The following ELK3 variants were observed in gnomAD, a reference collection of about 807,000 sequenced individuals.
ELK3 encodes ETS transcription factor ELK3, also known as ETS domain-containing protein Elk-3.
A neutral mutation model predicts 28.9 loss-of-function variants in ELK3; 10 were observed. The ratio of observed to expected loss-of-function variants is 0.35; its 90% confidence interval spans 0.21 to 0.59. ELK3 has a LOEUF of 0.59. ELK3 is among the 20% of genes least tolerant of loss of function. The pLI is 0.82. For synonymous variants in ELK3, 272 were observed against 243.5 expected, an observed-to-expected ratio of 1.12 and a Z score of -1.09; for missense variants, 463 against 517.3, an observed-to-expected ratio of 0.90 and a Z score of 1.02.
intron 3 of ELK3, among the ~76,000 whole-genome samples, chr12:96,250,709 C>G (rs1053708342): frequency 1.3e-5 from 2 of 152,168 alleles, no homozygotes; most frequent in African/African-American, 4.8e-5. Flanking sequence ...CAGAAACTCT[C>G]CTTTTCTCTG....
chr12:96,258,505 A>G (rs1274642450), intron 3 of ELK3, among the ~76,000 whole-genome samples: 1 of 152,232 alleles, frequency 6.6e-6, no homozygotes, highest in African/African-American at 2.4e-5. Context: ...CTAGGAAAAA[A>G]TAACACTTTA....
intron 2 of ELK3, among the ~76,000 whole-genome samples, chr12:96,234,524 C>A (rs1396818359): frequency 6.6e-6 from 1 of 152,208 alleles, no homozygotes; most frequent in Non-Finnish European, 1.5e-5. Flanking sequence ...AGCTGCTCCT[C>A]TGCACGGCCT....
chr12:96,226,298 T>G (rs1027348139), intron 2 of ELK3, among the ~76,000 whole-genome samples: 2 of 152,216 alleles, frequency 1.3e-5, no homozygotes, highest in African/African-American at 4.8e-5. Context: ...GCTGGCCACA[T>G]GACCTTTGAG....
chr12:96,240,171 A>G (rs1271758246), intron 2 of ELK3, among the ~76,000 whole-genome samples: 2 of 152,190 alleles, frequency 1.3e-5, no homozygotes, highest in African/African-American at 4.8e-5. Flanking sequence ...AGATATGTAA[A>G]CCAGATGTAA....
chr12:96,196,423 G>T (rs1951468404), intron 1 of ELK3, among the ~76,000 whole-genome samples: 3 of 980 alleles, frequency 3.1e-3, no homozygotes, highest in African/African-American at 5.4e-3. Context: ...TTTGGGGGTG[G>T]GGGGGGTGTG....
chr12:96,214,965 A>G (rs1046925321), intron 1 of ELK3, among the ~76,000 whole-genome samples: 1 of 152,220 alleles, frequency 6.6e-6, no homozygotes, highest in Non-Finnish European at 1.5e-5. Flanking sequence ...CAGAATTTTC[A>G]GTAAGAAGTG....
intron 2 of ELK3, among the ~76,000 whole-genome samples, chr12:96,239,233 CAT>C (rs1951803782): frequency 1.3e-5 from 2 of 152,214 alleles, no homozygotes; most frequent in East Asian, 3.9e-4. Flanking sequence ...TTTATTTACA[CAT>C]ATATGCATAT....
intron 4 of ELK3, among the ~76,000 whole-genome samples, chr12:96,260,314 A>G (rs1951983576): frequency 6.6e-6 from 1 of 151,154 alleles, no homozygotes; most frequent in Non-Finnish European, 1.5e-5. Flanking sequence ...ATTATTATTT[A>G]TAAAAGTCCA....
chr12:96,205,418 G>T (rs1358444225), intron 1 of ELK3, among the ~76,000 whole-genome samples: 1 of 152,196 alleles, frequency 6.6e-6, no homozygotes, highest in Non-Finnish European at 1.5e-5. Flanking sequence ...CATTCCTGTA[G>T]ATTTTTTCAA....
chr12:96,208,653 A>G (rs913633129), intron 1 of ELK3, among the ~76,000 whole-genome samples: 4 of 152,198 alleles, frequency 2.6e-5, no homozygotes, highest in Non-Finnish European at 4.4e-5. Flanking sequence ...ATGAAGTGCA[A>G]CCAGATTTAA....
chr12:96,233,112 C>G (rs140114053), intron 2 of ELK3, among the ~76,000 whole-genome samples: 26 of 152,332 alleles, frequency 1.7e-4, no homozygotes, highest in Non-Finnish European at 3.2e-4. Context: ...TACCATGAAT[C>G]TATTTCTCTC....
At chr12:96,249,969 A>G (rs547415064) in intron 3 of ELK3, among the ~76,000 whole-genome samples, 2 of 152,254 alleles carry the variant, frequency 1.3e-5, no homozygotes, top group African/African-American at 4.8e-5. Flanking sequence ...GTCCTCAGCC[A>G]AGCTGTGAGG....
chr12:96,253,360 G>C (rs1201878898), intron 3 of ELK3, among the ~76,000 whole-genome samples: 1 of 152,228 alleles, frequency 6.6e-6, no homozygotes, highest in African/African-American at 2.4e-5. Context: ...CAGTCTTCAT[G>C]ACTCTGCCTC....
rs1951870117 is a variant in ELK3, at chr12:96,247,726, A to G, written c.994A>G (p.Thr332Ala). 3.2e-6 allele frequency: 5 copies of G among 1,575,906 alleles called. No individual in the cohort carries two copies. The highest frequency in any genetic ancestry group is 1.9e-5 in the Admixed American group (1 of 53,784). The change falls in exon 3 of 5, where the codon ACC becomes GCC. Residue 332 changes from threonine to alanine, a missense_variant. Transcript: ENST00000228741. The surrounding 1 kb of genome is among the most constrained non-coding windows in gnomAD (Gnocchi z 5.5). ...PSGSLTPAFF[T>A]AQTPNGLLLT... ...GGGATCCCTCACCCCAGCCTTCTTC[A>G]CCGCACAGGTAAGAGTCATTCCTGT...
intron 2 of ELK3, among the ~76,000 whole-genome samples, chr12:96,232,583 A>T (rs760720421): frequency 9.1e-4 from 138 of 151,190 alleles, no homozygotes; most frequent in Non-Finnish European, 1.6e-3. Flanking sequence ...AAAAAAAAAT[A>T]AATAAAAATA....
chr12:96,263,094 T>C (rs1451735346), intron 4 of ELK3, among the ~76,000 whole-genome samples: 1 of 152,244 alleles, frequency 6.6e-6, no homozygotes, highest in Admixed American at 6.5e-5. Flanking sequence ...CCTATTACCA[T>C]GATTGGAAAG....
intron 3 of ELK3, among the ~76,000 whole-genome samples, chr12:96,254,398 A>T (rs1319387292): frequency 6.6e-6 from 1 of 152,212 alleles, no homozygotes; most frequent in Non-Finnish European, 1.5e-5. Flanking sequence ...ACAAATAATT[A>T]TTGAGCAATA....
At chr12:96,236,696 C>T (rs75969308) in intron 2 of ELK3, among the ~76,000 whole-genome samples, 14,211 of 152,292 alleles carry the variant, frequency 0.093, 747 homozygotes, top group Middle Eastern at 0.13. Flanking sequence ...AGTTGCACCC[C>T]AGTGGCGGCC....
At chr12:96,232,468 G>C (rs1951748799) in intron 2 of ELK3, among the ~76,000 whole-genome samples, 1 of 152,044 alleles carries the variant, frequency 6.6e-6, no homozygotes, top group African/African-American at 2.4e-5. Flanking sequence ...CTACTCGGGA[G>C]GCTGAGGCAG....
Sources: gnomAD v4.1 joint callset for allele counts (sites outside exome capture counted in the v4.1 genomes callset) on GRCh38, gnomAD v4.1.1 for gene constraint, Gnocchi (gnomAD v3.1) non-coding constraint, MANE v1.5 for transcripts, NCBI Gene and HGNC (gene_info 2026-07-23, HGNC 2026-07-21) for gene names.